TCF7L1: variants seen among roughly 807,000 people sequenced by gnomAD.
The protein encoded by TCF7L1 is transcription factor 7 like 1, also known as transcription factor 7-like 1.
In TCF7L1, 18 loss-of-function variants were observed where a neutral mutation model predicts 63.7. The observed-to-expected ratio is 0.28, with a 90% CI of 0.20 to 0.42. TCF7L1 has a LOEUF of 0.42. Ranked by LOEUF, TCF7L1 falls within the 10% of genes least tolerant of loss-of-function variation. The pLI, the probability that TCF7L1 is intolerant of heterozygous loss-of-function variation, is 1.00. For missense variants in TCF7L1, 654 were observed against 779.3 expected, an observed-to-expected ratio of 0.84 and a Z score of 1.91; for synonymous variants, 355 against 340.9, an observed-to-expected ratio of 1.04 and a Z score of -0.46.
chr2:85,205,020 G>A (rs996363975), intron 3 of TCF7L1: 4 of 151,818 alleles, frequency 2.6e-5, no homozygotes, highest in African/African-American at 4.8e-5. Context: ...TTTGTGAAGC[G>A]TTTCATATTT....
intron 3 of TCF7L1, among the ~76,000 whole-genome samples, chr2:85,137,892 C>CA (rs374829785): frequency 0.031 from 2,068 of 67,460 alleles, 23 homozygotes; most frequent in African/African-American, 0.052. Context: ...GACTCTGCCT[C>CA]AAAAAAAAAA....
intron 3 of TCF7L1, among the ~76,000 whole-genome samples, chr2:85,149,339 A>ATATAGTG (rs1677955067): frequency 6.7e-6 from 1 of 149,548 alleles, no homozygotes; most frequent in African/African-American, 2.5e-5. Flanking sequence ...ATGTGTGTAT[A>ATATAGTG]TGTGTATACA....
chr2:85,294,025 GATTTT>G (rs1681785680), intron 4 of TCF7L1, among the ~76,000 whole-genome samples: 1 of 70,562 alleles, frequency 1.4e-5, no homozygotes, highest in African/African-American at 7.5e-5. Flanking sequence ...TGAACACTGG[GATTTT>G]TTTTTTTTTT....
At position 85,309,777 on chromosome 2, in the gene TCF7L1, ACTTT is replaced by A. The variant is rs1573038337; in HGVS notation, c.*318_*321del. The A allele has an allele frequency of 6.9e-6, 2 of 290,626 alleles. No individual in the cohort carries two copies. Among genetic ancestry groups the A allele is most frequent in the East Asian group, 1.2e-4 (2 of 17,116 alleles). 18.0% of individuals were successfully genotyped at this position (290,626 alleles called of 1,614,324 possible). A position where few individuals can be genotyped will look rare whatever the true frequency, so the allele number is the denominator to read the frequency against. On this transcript the variant is annotated 3_prime_UTR_variant, in exon 12 of 12. Transcript: ENST00000282111. ...CACTTCTCTCTCTTACCTCTCTTGC[ACTTT>A]CTGTCTCCTGTCTCTTCTCGCCCCT...
At chr2:85,243,877 C>T (rs1680399370) in intron 3 of TCF7L1, among the ~76,000 whole-genome samples, 2 of 152,184 alleles carry the variant, frequency 1.3e-5, no homozygotes, top group African/African-American at 4.8e-5. Context: ...GTGAACAGCA[C>T]CCCCTGGGGG....
chr2:85,220,196 G>A (rs1679810355), intron 3 of TCF7L1, among the ~76,000 whole-genome samples: 2 of 152,010 alleles, frequency 1.3e-5, no homozygotes, highest in South Asian at 4.1e-4. Flanking sequence ...ACTTCTGGGA[G>A]GGCAGATAAA....
chr2:85,254,787 T>A (rs1449613230), intron 3 of TCF7L1, among the ~76,000 whole-genome samples: 1 of 152,076 alleles, frequency 6.6e-6, no homozygotes, highest in Non-Finnish European at 1.5e-5. Flanking sequence ...AAGAAGAGAA[T>A]GAAGCTCAGA....
intron 3 of TCF7L1, among the ~76,000 whole-genome samples, chr2:85,154,168 G>T (rs959350833): frequency 1.3e-5 from 2 of 152,212 alleles, no homozygotes; most frequent in African/African-American, 2.4e-5. Flanking sequence ...CTGGGAGTAT[G>T]TGAGCAGTTG....
At chr2:85,284,121 C>T (rs527446082) in intron 4 of TCF7L1, among the ~76,000 whole-genome samples, 1 of 152,250 alleles carries the variant, frequency 6.6e-6, no homozygotes, top group Non-Finnish European at 1.5e-5. Flanking sequence ...AGCGATTCTC[C>T]TGCCTCAGCC....
chr2:85,188,539 T>A (rs1192510980), intron 3 of TCF7L1, among the ~76,000 whole-genome samples: 2 of 152,218 alleles, frequency 1.3e-5, no homozygotes, highest in Non-Finnish European at 1.5e-5. Context: ...GGACATACAG[T>A]TGCCTCTGCA....
At chr2:85,308,218 C>T (rs940935480) in intron 11 of TCF7L1, among the ~76,000 whole-genome samples, 1 of 152,114 alleles carries the variant, frequency 6.6e-6, no homozygotes, top group Non-Finnish European at 1.5e-5. Context: ...TCATGCCTAG[C>T]ACAGAAAGAT....
intron 3 of TCF7L1, among the ~76,000 whole-genome samples, chr2:85,259,294 C>T (rs1302841915): frequency 2.6e-5 from 4 of 152,202 alleles, no homozygotes; most frequent in Non-Finnish European, 5.9e-5. Context: ...TATTCAGATC[C>T]TAAAGAAGAT....
intron 3 of TCF7L1, among the ~76,000 whole-genome samples, chr2:85,197,335 C>T (rs555210468): frequency 3.3e-5 from 5 of 152,072 alleles, no homozygotes; most frequent in African/African-American, 7.2e-5. Context: ...CGCTTGAACC[C>T]GGGAGGCAGA....
intron 3 of TCF7L1, among the ~76,000 whole-genome samples, chr2:85,237,618 A>G (rs1443849896): frequency 6.6e-6 from 1 of 151,542 alleles, no homozygotes; most frequent in Admixed American, 6.6e-5. Context: ...CCTCTGCCCC[A>G]AGTTGTGGGG....
At position 85,275,114 on chromosome 2, in the gene TCF7L1, T is replaced by C. The variant is rs574845763; in HGVS notation, c.442-8381T>C. On this transcript the variant is annotated intron_variant, in intron 3 of 11. Transcript: ENST00000282111. ...ACCTCAACACGGTCGGCACTCCCAGTGCCCTCTGTGTTTAGACAAACAGCT... is the reference window on the plus strand; with the variant it reads ...ACCTCAACACGGTCGGCACTCCCAGCGCCCTCTGTGTTTAGACAAACAGCT... 1.6e-4 allele frequency among the ~76,000 whole-genome samples: 25 copies of C among 152,374 alleles called. No homozygotes were observed. The South Asian group carries it at 5.2e-3, about 32-fold the overall frequency.
At position 85,203,100 on chromosome 2, in the gene TCF7L1, A is replaced by G. The variant is rs541096102; in HGVS notation, c.441+68650A>G. Among the ~76,000 whole-genome samples the G allele has an allele frequency of 4.6e-4, 70 of 152,148 alleles. 1 individual carries two copies. The South Asian group carries it at 0.012, about 25-fold the overall frequency. ...TCCGCCCGCCTTGGCCTCTCAAAGT[A>G]CTGGGATTACAGGCATGAGCCACCG... On this transcript the variant is annotated intron_variant, in intron 3 of 11. Coordinates refer to ENST00000282111, the MANE Select transcript of TCF7L1 (RefSeq NM_031283.3).
intron 3 of TCF7L1, among the ~76,000 whole-genome samples, chr2:85,200,482 T>C (rs747156346): frequency 2.6e-5 from 4 of 152,228 alleles, no homozygotes; most frequent in Non-Finnish European, 4.4e-5. Flanking sequence ...GAGAAAATAC[T>C]GTATTAATAC....
chr2:85,236,044 T>G (rs1280453853), intron 3 of TCF7L1, among the ~76,000 whole-genome samples: 1 of 152,102 alleles, frequency 6.6e-6, no homozygotes, highest in African/African-American at 2.4e-5. Context: ...CCTCAGCTAC[T>G]TGGGGAGCTG....
At position 85,144,429 on chromosome 2, in the gene TCF7L1, A is replaced by C. The variant is rs535844033; in HGVS notation, c.441+9979A>C. 2.1e-3 allele frequency among the ~76,000 whole-genome samples: 316 copies of C among 151,288 alleles called. 3 individuals carry two copies. The highest frequency in any genetic ancestry group is 0.017 in the Middle Eastern group (5 of 292). On this transcript the variant is annotated intron_variant, in intron 3 of 11. Coordinates refer to ENST00000282111, the MANE Select transcript of TCF7L1 (RefSeq NM_031283.3). ...AACCCTGTCTCTACAAAAAAAAAAA[A>C]AAAAACAAAAACCAAAAAAAACATT...
Sources: allele counts gnomAD v4.1 joint callset (sites outside exome capture counted in the v4.1 genomes callset), GRCh38; gene constraint gnomAD v4.1.1; transcripts MANE v1.5; gene names NCBI Gene and HGNC (gene_info 2026-07-23, HGNC 2026-07-21).